Variants in GRK1 observed in about 807,000 individuals in gnomAD.
The protein encoded by GRK1 is rhodopsin kinase GRK1.
A neutral mutation model predicts 41.7 loss-of-function variants in GRK1; 28 were observed. The observed-to-expected ratio is 0.67, with a 90% CI of 0.50 to 0.92. The LOEUF (loss-of-function observed/expected upper bound fraction) is 0.92, where lower values mean the gene tolerates loss of function less well. Ranked by LOEUF, GRK1 falls within the 40% of genes least tolerant of loss-of-function variation. GRK1 has a pLI of 0.00. For synonymous variants in GRK1, 327 were observed against 286.7 expected (o/e 1.14, Z -1.42); for missense variants, 703 against 671.2 (o/e 1.05, Z -0.52).
chr13:113,661,963 A>C, the GRK1 span, among the ~76,000 whole-genome samples: 2 of 152,202 alleles, frequency 1.3e-5, no homozygotes, highest in African/African-American at 4.8e-5. Flanking sequence ...ATATTTTCCA[A>C]CTCATCTTAT....
intron 2 of GRK1, among the ~76,000 whole-genome samples, chr13:113,670,802 G>A (rs1356250098): frequency 1.3e-5 from 2 of 151,336 alleles, no homozygotes; most frequent in African/African-American, 4.9e-5. Flanking sequence ...CAGACACGGG[G>A]GTGCCCAGGC....
At chr13:113,672,155 G>A (rs1263772441) in intron 3 of GRK1, among the ~76,000 whole-genome samples, 2 of 152,186 alleles carry the variant, frequency 1.3e-5, no homozygotes, top group African/African-American at 2.4e-5. Flanking sequence ...GTCAGTGTGC[G>A]TGGTGTGTGC....
chr13:113,727,430 CCTGTGGACCGTGGG>C (rs2049896297), intron 4 of GRK1, among the ~76,000 whole-genome samples: 2 of 151,794 alleles, frequency 1.3e-5, no homozygotes, highest in Non-Finnish European at 2.9e-5. Context: ...TAGGCTGTGG[CCTGTGGACCGTGGG>C]CTGTGGACAG....
intron 4 of GRK1, among the ~76,000 whole-genome samples, chr13:113,724,269 G>A (rs1187696677): frequency 2.0e-5 from 3 of 152,240 alleles, no homozygotes; most frequent in Admixed American, 1.3e-4. Context: ...CACGCCACGT[G>A]CCCGGCGCCT....
At position 113,735,346 on chromosome 13, in the gene GRK1, A is replaced by G. The variant is rs1014900000; in HGVS notation, c.1675A>G (p.Met559Val). ...CTCCAGCTCCTCGTCCAAGTCAGGGATGTGTCTGGTTTCCTAGGTGACGCC... is the reference window on the plus strand; with the variant it reads ...CTCCAGCTCCTCGTCCAAGTCAGGGGTGTGTCTGGTTTCCTAGGTGACGCC... ...GGSSSSSKSG[M>V]CLVS Residue 559 changes from methionine to valine, a missense_variant, in exon 7 of 7, where the codon ATG becomes GTG. Met to Val is a conservative substitution (Grantham distance 21). Transcript: ENST00000335678. The G allele has an allele frequency of 3.3e-5, 50 of 1,511,826 alleles. No homozygotes were observed. Among genetic ancestry groups the G allele is most frequent in the Non-Finnish European group, 4.4e-5 (50 of 1,131,602 alleles). The allele number at this position is 1,511,826 out of a possible 1,614,324, so 93.7% of individuals were successfully genotyped here.
chr13:113,651,856 C>G, the GRK1 span: 1 of 1,112,478 alleles, frequency 9.0e-7, no homozygotes. Flanking sequence ...TGAGAAGGGC[C>G]CTTGGTCTGG....
chr13:113,650,365 C>G, the GRK1 span: 1 of 1,571,614 alleles, frequency 6.4e-7, no homozygotes, highest in Non-Finnish European at 8.8e-7. This position sits in a 1 kb window ranked among gnomAD's most constrained non-coding sequence, Gnocchi z 5.0. Context: ...TGAGAGGACT[C>G]AGCAGCTGTG....
chr13:113,734,706 G>T (rs138188344), intron 6 of GRK1: 5,735 of 185,164 alleles, frequency 0.031, 343 homozygotes, highest in African/African-American at 0.12. Flanking sequence ...GCCCTGGTGG[G>T]GATGGGGCCC....
At chr13:113,656,336 G>T in the GRK1 span, among the ~76,000 whole-genome samples, 1 of 152,204 alleles carries the variant, frequency 6.6e-6, no homozygotes, top group African/African-American at 2.4e-5. Flanking sequence ...CTGCTCTGGG[G>T]CCCGTGGTGC....
At position 113,731,118 on chromosome 13, in the gene GRK1, C is replaced by T. The variant is rs140240527; in HGVS notation, c.1070-101C>T. 0.018 allele frequency: 26,550 copies of T among 1,459,496 alleles called. 284 individuals carry two copies. Among genetic ancestry groups the T allele is most frequent in the Non-Finnish European group, 0.021 (23,543 of 1,098,010 alleles). 90.4% of individuals were successfully genotyped at this position (1,459,496 alleles called of 1,614,324 possible). ...CCAAATGTGGAGAGTGCTGAGGCCC[C>T]GGGGGGGATGCATCCCCAGAGCATC... On this transcript the variant is annotated intron_variant, in intron 4 of 6. Coordinates refer to ENST00000335678, the MANE Select transcript of GRK1 (RefSeq NM_002929.3). The surrounding 1 kb of genome is among the most constrained non-coding windows in gnomAD (Gnocchi z 5.6).
the GRK1 span, chr13:113,654,807 C>T: frequency 1.7e-5 from 28 of 1,613,118 alleles, no homozygotes; most frequent in African/African-American, 1.1e-4. Flanking sequence ...ACATCCCGGG[C>T]GCTTACCTGG....
Position 113,731,895 on chromosome 13 carries a change from C to T in GRK1, c.1194+552C>T, listed in dbSNP as rs1049804762. 5.9e-5 allele frequency among the ~76,000 whole-genome samples: 9 copies of T among 152,178 alleles called. No individual in the cohort carries two copies. Among genetic ancestry groups the T allele is most frequent in the African/African-American group, 2.2e-4 (9 of 41,428 alleles). ...CCCCTTCTTCCCAGACACCAAGAAC[C>T]CACAGCCCATGGTGGGCCCAGCAGC... On this transcript the variant is annotated intron_variant, in intron 5 of 6. Transcript: ENST00000335678. The surrounding 1 kb of genome is among the most constrained non-coding windows in gnomAD (Gnocchi z 5.6).
the GRK1 span, chr13:113,653,256 C>T: frequency 6.6e-7 from 1 of 1,510,122 alleles, no homozygotes; most frequent in African/African-American, 1.4e-5. Context: ...CACACCTCAC[C>T]CACCCGCCGC....
chr13:113,655,487 C>T, the GRK1 span, among the ~76,000 whole-genome samples: 10 of 152,146 alleles, frequency 6.6e-5, no homozygotes, highest in Non-Finnish European at 2.9e-5. Flanking sequence ...CCATAGGCAC[C>T]GGCAACTCAG....
Position 113,737,349 on chromosome 13 carries a change from T to C in GRK1, c.*1986T>C, listed in dbSNP as rs373478437. ...CATAGATCCCACATCGGCCACACCCTGGGTGAGGAGCATGTCTTCCCATAG... is the reference window on the plus strand; with the variant it reads ...CATAGATCCCACATCGGCCACACCCCGGGTGAGGAGCATGTCTTCCCATAG... On this transcript the variant is annotated 3_prime_UTR_variant, in exon 7 of 7. Transcript: ENST00000335678. 12 of 119,614 alleles carry C rather than the reference T, an allele frequency of 1.0e-4. No homozygotes were observed. The highest frequency in any genetic ancestry group is 4.2e-4 in the African/African-American group (10 of 23,842). 7.4% of individuals were successfully genotyped at this position (119,614 alleles called of 1,614,324 possible).
chr13:113,664,317 C>T (rs2049805250), upstream of GRK1, among the ~76,000 whole-genome samples: 1 of 152,164 alleles, frequency 6.6e-6, no homozygotes, highest in East Asian at 1.9e-4. This position sits in a 1 kb window ranked among gnomAD's most constrained non-coding sequence, Gnocchi z 5.4. Flanking sequence ...ATCCTCGCTA[C>T]TTGGCAAGAT....
At chr13:113,650,454 G>A in the GRK1 span, 217 of 1,614,008 alleles carry the variant, frequency 1.3e-4, 1 homozygote, top group South Asian at 2.7e-4. This position sits in a 1 kb window ranked among gnomAD's most constrained non-coding sequence, Gnocchi z 5.0. Flanking sequence ...TGAAGGTGCC[G>A]TTGGGAGGGT....
chr13:113,669,279 A>G (rs1055092124), intron 1 of GRK1, among the ~76,000 whole-genome samples: 3 of 152,242 alleles, frequency 2.0e-5, no homozygotes, highest in African/African-American at 7.2e-5. Flanking sequence ...GACAAAATGA[A>G]GCAGAGTGGT....
chr13:113,733,681 A>C (rs1427667721), intron 6 of GRK1, among the ~76,000 whole-genome samples: 2 of 87,572 alleles, frequency 2.3e-5, no homozygotes, highest in East Asian at 7.7e-4. Flanking sequence ...ACGTGTGTGC[A>C]TGTATGTGTG....
Sources: allele counts gnomAD v4.1 joint callset (sites outside exome capture counted in the v4.1 genomes callset), GRCh38; gene constraint gnomAD v4.1.1; non-coding constraint Gnocchi (gnomAD v3.1); transcripts MANE v1.5; gene names NCBI Gene and HGNC (gene_info 2026-07-23, HGNC 2026-07-21).